The following ZBTB20 variants were observed in gnomAD, a reference collection of about 807,000 sequenced individuals.
ZBTB20 encodes the protein zinc finger and BTB domain-containing protein 20.
A neutral mutation model predicts 56.9 loss-of-function variants in ZBTB20; 9 were observed. The observed-to-expected ratio is 0.16, with a 90% CI of 0.10 to 0.28. The LOEUF (loss-of-function observed/expected upper bound fraction) is 0.28. Among genes scored for constraint, ZBTB20 ranks in the 10% least tolerant of loss-of-function variants. The pLI, the probability that ZBTB20 is intolerant of heterozygous loss-of-function variation, is 1.00. For synonymous variants in ZBTB20, 417 were observed against 420.7 expected, an observed-to-expected ratio of 0.99 and a Z score of 0.11; for missense variants, 655 against 1,003.0, an observed-to-expected ratio of 0.65 and a Z score of 4.69.
At chr3:114,539,419 G>A (rs1205894877) in intron 6 of ZBTB20, among the ~76,000 whole-genome samples, 4 of 152,088 alleles carry the variant, frequency 2.6e-5, no homozygotes, top group African/African-American at 9.7e-5. Flanking sequence ...GCAGTGTAAA[G>A]TTTTCAAAGT....
chr3:114,718,869 G>T (rs1310610651), intron 5 of ZBTB20, among the ~76,000 whole-genome samples: 1 of 151,674 alleles, frequency 6.6e-6, no homozygotes, highest in Non-Finnish European at 1.5e-5. Context: ...TGAGAACATA[G>T]TAGCAAAATT....
chr3:114,741,013 G>A (rs998925528), intron 5 of ZBTB20, among the ~76,000 whole-genome samples: 2 of 152,138 alleles, frequency 1.3e-5, no homozygotes, highest in African/African-American at 4.8e-5. Flanking sequence ...TTGAGGTGAG[G>A]ACAGGCTGAG....
chr3:114,344,831 A>G (rs2080061833), intron 11 of ZBTB20, among the ~76,000 whole-genome samples: 1 of 152,234 alleles, frequency 6.6e-6, no homozygotes, highest in Admixed American at 6.5e-5. Flanking sequence ...ATTTACACTG[A>G]ATTCATGGCT....
chr3:114,734,937 G>T (rs968311969), intron 5 of ZBTB20, among the ~76,000 whole-genome samples: 7 of 151,894 alleles, frequency 4.6e-5, no homozygotes, highest in African/African-American at 1.7e-4. Context: ...TGGGATGTGG[G>T]AGAAAACCCA....
chr3:114,477,042 A>G (rs1483517081), intron 7 of ZBTB20, among the ~76,000 whole-genome samples: 2 of 152,228 alleles, frequency 1.3e-5, no homozygotes, highest in Non-Finnish European at 2.9e-5. Context: ...TCCCTTCCAC[A>G]GTACCTAGAA....
intron 7 of ZBTB20, among the ~76,000 whole-genome samples, chr3:114,468,242 A>T (rs1485597984): frequency 6.6e-6 from 1 of 152,166 alleles, no homozygotes; most frequent in Non-Finnish European, 1.5e-5. Context: ...CTTATTCTTC[A>T]TTGTATTCTC....
chr3:114,884,246 C>T (rs1280228888), intron 4 of ZBTB20, among the ~76,000 whole-genome samples: 1 of 151,944 alleles, frequency 6.6e-6, no homozygotes, highest in Non-Finnish European at 1.5e-5. Flanking sequence ...AATCACACAC[C>T]ATAGGTACAT....
At chr3:114,827,719 G>A (rs1301095847) in intron 4 of ZBTB20, among the ~76,000 whole-genome samples, 1 of 151,678 alleles carries the variant, frequency 6.6e-6, no homozygotes, top group Admixed American at 6.6e-5. Flanking sequence ...TCACTAGAGG[G>A]TGCTCTTGGG....
At chr3:114,787,905 C>T (rs775653118) in intron 5 of ZBTB20, among the ~76,000 whole-genome samples, 12 of 152,090 alleles carry the variant, frequency 7.9e-5, no homozygotes, top group Non-Finnish European at 1.3e-4. Flanking sequence ...ATGAGAATGT[C>T]TAACATAGCT....
chr3:114,630,105 A>G (rs2058862021), intron 6 of ZBTB20, among the ~76,000 whole-genome samples: 2 of 152,184 alleles, frequency 1.3e-5, no homozygotes, highest in Non-Finnish European at 2.9e-5. Context: ...ATGCCACTGC[A>G]TTCAACCCTG....
intron 6 of ZBTB20, among the ~76,000 whole-genome samples, chr3:114,614,359 A>G (rs1362638153): frequency 6.6e-6 from 1 of 152,156 alleles, no homozygotes; most frequent in Non-Finnish European, 1.5e-5. Context: ...TTAAGGGAAA[A>G]ATTGAGTATT....
At chr3:114,702,665 TTGTGTG>T in intron 5 of ZBTB20, among the ~76,000 whole-genome samples, 1 of 146,704 alleles carries the variant, frequency 6.8e-6, no homozygotes, top group South Asian at 2.2e-4. Context: ...TTAGTCTAAA[TTGTGTG>T]TGTGTGTGTG....
At chr3:114,532,951 C>CA (rs1353913977) in intron 6 of ZBTB20, among the ~76,000 whole-genome samples, 1 of 152,114 alleles carries the variant, frequency 6.6e-6, no homozygotes, top group Non-Finnish European at 1.5e-5. Context: ...TCAACATTAA[C>CA]AAAAAAGATG....
At chr3:114,596,481 T>G (rs1249492766) in intron 6 of ZBTB20, among the ~76,000 whole-genome samples, 1 of 152,136 alleles carries the variant, frequency 6.6e-6, no homozygotes, top group Non-Finnish European at 1.5e-5. Context: ...CTATATATTG[T>G]CTACCAAGTG....
intron 6 of ZBTB20, among the ~76,000 whole-genome samples, chr3:114,539,630 C>T (rs999389028): frequency 1.3e-5 from 2 of 152,060 alleles, no homozygotes; most frequent in African/African-American, 4.8e-5. Context: ...CTTACACCTA[C>T]ATACTTACTG....
At chr3:114,702,924 A>C (rs1296481120) in intron 5 of ZBTB20, among the ~76,000 whole-genome samples, 1 of 151,772 alleles carries the variant, frequency 6.6e-6, no homozygotes, top group Non-Finnish European at 1.5e-5. Context: ...GTTCAAAATA[A>C]TTTATAAATT....
chr3:114,776,027 T>C (rs1048392590), intron 5 of ZBTB20, among the ~76,000 whole-genome samples: 1 of 64,606 alleles, frequency 1.5e-5, no homozygotes, highest in South Asian at 7.9e-4. Flanking sequence ...CCTCCAATTT[T>C]TTTTCTTTTT....
At chr3:114,352,135 G>A (rs2080737411) in intron 10 of ZBTB20, among the ~76,000 whole-genome samples, 1 of 152,220 alleles carries the variant, frequency 6.6e-6, no homozygotes, top group Admixed American at 6.5e-5. Flanking sequence ...ACTCCCCAGA[G>A]CTTCGGCTGA....
intron 7 of ZBTB20, among the ~76,000 whole-genome samples, chr3:114,426,257 T>C (rs1332403777): frequency 2.0e-5 from 3 of 146,590 alleles, no homozygotes; most frequent in Non-Finnish European, 4.4e-5. Flanking sequence ...GAGAATGGCG[T>C]GAACCTGGAG....
Sources: allele counts gnomAD v4.1 joint callset (sites outside exome capture counted in the v4.1 genomes callset), GRCh38; gene constraint gnomAD v4.1.1; transcripts MANE v1.5; gene names NCBI Gene and HGNC (gene_info 2026-07-23, HGNC 2026-07-21).